ZNF282: variants seen among roughly 807,000 people sequenced by gnomAD.
The protein encoded by ZNF282 is HTLV-I U5 repressive element-binding protein 1.
Under a neutral mutation model 61.9 loss-of-function variants are expected in ZNF282, and 30 were observed. That is an observed-to-expected ratio of 0.48 (90% CI 0.36 to 0.66). The LOEUF (loss-of-function observed/expected upper bound fraction) is 0.66, where lower values mean the gene tolerates loss of function less well. ZNF282 is among the 30% of genes least tolerant of loss of function. The probability of loss-of-function intolerance (pLI) is 0.00; values close to 1 mark genes in which losing one functional copy is unlikely to be tolerated. For synonymous variants in ZNF282, 396 were observed against 405.0 expected (o/e 0.98, Z 0.27); for missense variants, 788 against 941.4 (o/e 0.84, Z 2.13).
At chr7:149,199,400 G>A (rs1415693833) in intron 2 of ZNF282, among the ~76,000 whole-genome samples, 1 of 151,924 alleles carries the variant, frequency 6.6e-6, no homozygotes, top group East Asian at 1.9e-4. Context: ...GATGTCCCCT[G>A]CCCACCCCAG....
rs1414890981 is a variant in ZNF282, at chr7:149,224,466, T to A, written c.1835T>A (p.Ile612Asn). ...TGTGCACTGTGCGGCAAGAGCTTCA[T>A]CCGCAAGCAGAACCTGCTCAAGCAC... ...FQCALCGKSFIRKQNLLKHQR... is the reference protein window; with the variant it reads ...FQCALCGKSFNRKQNLLKHQR... Residue 612 changes from isoleucine to asparagine, a missense_variant, in exon 8 of 8, where the codon ATC becomes AAC. Ile to Asn is a moderately radical substitution (Grantham distance 149, BLOSUM62 -3). Around this residue, in one of 3 missense-constraint regions of ZNF282, gnomAD observed 559 missense variants for 642.0 expected, o/e 0.87. Coordinates refer to ENST00000610704, the MANE Select transcript of ZNF282 (RefSeq NM_003575.4). 1 of 1,611,946 alleles carries A rather than the reference T, an allele frequency of 6.2e-7. No homozygotes were observed. The highest frequency in any genetic ancestry group is 1.1e-5 in the South Asian group (1 of 90,988).
Position 149,198,394 on chromosome 7 carries a change from A to G in ZNF282, c.227A>G (p.Asp76Gly). The change falls in exon 2 of 8, where the codon GAT becomes GGT. Residue 76 changes from aspartate to glycine, a missense_variant. Asp to Gly is a moderately conservative substitution (Grantham distance 94, BLOSUM62 -1). This residue lies in a region of ZNF282 where 137 missense variants were observed against 135.4 expected (regional missense o/e 1.01). Transcript: ENST00000610704. The surrounding 1 kb of genome is among the most constrained non-coding windows in gnomAD (Gnocchi z 4.3). ...CCTTTTCAGTTCCCACCCTTTCCAGATAGGGCACCTGTCTTCCCCGACCGC... is the reference window on the plus strand; with the variant it reads ...CCTTTTCAGTTCCCACCCTTTCCAGGTAGGGCACCTGTCTTCCCCGACCGC... ...PMPFQFPPFPDRAPVFPDRMM... is the reference protein window; with the variant it reads ...PMPFQFPPFPGRAPVFPDRMM... 6.2e-7 allele frequency: 1 copy of G among 1,614,098 alleles called. No homozygotes were observed. Among genetic ancestry groups the G allele is most frequent in the Non-Finnish European group, 8.5e-7 (1 of 1,180,010 alleles).
chr7:149,212,613 C>T, intron 6 of ZNF282, 142 bp downstream of exon 6: 2 of 669,396 alleles, frequency 3.0e-6, no homozygotes, highest in Non-Finnish European at 5.0e-6. Context: ...CGGAGTCTTG[C>T]TCTGTTGTTC....
At position 149,224,824 on chromosome 7, in the gene ZNF282, GC is replaced by G; in HGVS notation, c.*180del. 2 of 1,192,992 alleles carry G rather than the reference GC, an allele frequency of 1.7e-6. No individual in the cohort carries two copies. The highest frequency in any genetic ancestry group is 1.5e-5 in the African/African-American group (1 of 65,174). The allele number at this position is 1,192,992 out of a possible 1,614,324, so 73.9% of individuals were successfully genotyped here. A position where few individuals can be genotyped will look rare whatever the true frequency, so the allele number is the denominator to read the frequency against. On this transcript the variant is annotated 3_prime_UTR_variant, in exon 8 of 8. Transcript: ENST00000610704. ...CCAGATCTGTCTGGTCTGAATGGACGCCCAGCTCATCTAGGGTGGACCCAGC... is the reference window on the plus strand; with the variant it reads ...CCAGATCTGTCTGGTCTGAATGGACGCCAGCTCATCTAGGGTGGACCCAGC...
At chr7:149,204,259 G>A (rs1357609198) in intron 2 of ZNF282, among the ~76,000 whole-genome samples, 3 of 152,164 alleles carry the variant, frequency 2.0e-5, no homozygotes, top group African/African-American at 4.8e-5. Flanking sequence ...CTTTCGAAGA[G>A]GTCAGAATTG....
chr7:149,223,620 C>G (rs1035973002), intron 7 of ZNF282, among the ~76,000 whole-genome samples, 192 bp from the exon 8 acceptor site: 6 of 152,198 alleles, frequency 3.9e-5, no homozygotes, highest in Non-Finnish European at 8.8e-5. Context: ...TGACCCGTTT[C>G]TGGGCTCCAC....
At chr7:149,200,856 C>A (rs1020020049) in intron 2 of ZNF282, among the ~76,000 whole-genome samples, 1 of 152,196 alleles carries the variant, frequency 6.6e-6, no homozygotes, top group African/African-American at 2.4e-5. Context: ...CTGGGCCTCC[C>A]AAAGTGCTGA....
At chr7:149,204,146 G>C (rs549440284) in intron 2 of ZNF282, among the ~76,000 whole-genome samples, 7 of 152,242 alleles carry the variant, frequency 4.6e-5, no homozygotes, top group African/African-American at 1.7e-4. Flanking sequence ...ACGTGGTCTT[G>C]GGGGAGGAAG....
chr7:149,197,210 C>A (rs914829360), intron 1 of ZNF282, among the ~76,000 whole-genome samples: 2 of 152,176 alleles, frequency 1.3e-5, no homozygotes, highest in East Asian at 3.9e-4. Context: ...AAGGGGGAGT[C>A]CCCAGGCCAT....
At chr7:149,207,766 G>A (rs1335613391) in intron 4 of ZNF282, among the ~76,000 whole-genome samples, 1 of 152,234 alleles carries the variant, frequency 6.6e-6, no homozygotes, top group Non-Finnish European at 1.5e-5. Context: ...TTACGCTACC[G>A]CCCCAGGCCC....
Position 149,212,477 on chromosome 7 carries a change from A to AACAAG in ZNF282, c.1066+7_1066+11dup, listed in dbSNP as rs778047604. On this transcript the variant is annotated splice_region_variant and intron_variant, in intron 6 of 7. Transcript: ENST00000610704. The stretch of plus-strand genomic sequence containing the variant: ...TCCCACGGATCCCAATTCAGGTGAG[A>AACAAG]ACAAGGTCAGAATGAATCTTGAGGG... 6.2e-7 allele frequency: 1 copy of AACAAG among 1,600,962 alleles called. No individual in the cohort carries two copies. Among genetic ancestry groups the AACAAG allele is most frequent in the Admixed American group, 1.7e-5 (1 of 58,792 alleles).
chr7:149,196,144 C>G (rs992188372), intron 1 of ZNF282, among the ~76,000 whole-genome samples: 2 of 152,178 alleles, frequency 1.3e-5, no homozygotes, highest in African/African-American at 4.8e-5. Context: ...CGCCCGGCCG[C>G]AGAAGTGAAT....
chr7:149,205,981 C>T (rs1328501933), intron 2 of ZNF282, among the ~76,000 whole-genome samples: 2 of 152,112 alleles, frequency 1.3e-5, no homozygotes, highest in Non-Finnish European at 2.9e-5. Context: ...CAATTCGGTC[C>T]AAGTTGAGGT....
Position 149,212,390 on chromosome 7 carries a change from C to G in ZNF282, c.985C>G (p.Arg329Gly). Residue 329 changes from arginine (R) to glycine (G), a missense_variant, in exon 6 of 8, where the codon CGG (arginine) becomes GGG (glycine). This residue lies in a region of ZNF282 where 559 missense variants were observed against 642.0 expected (regional missense o/e 0.87). Transcript: ENST00000610704. Reference protein sequence around the residue: ...SPISAQDLLSRIKQEEHQCVW... With the variant: ...SPISAQDLLSGIKQEEHQCVW... ...AATTTCTGCCCAGGACCTCTTGTCC[C>G]GGATTAAACAGGAGGAGCATCAGTG... The G allele has an allele frequency of 6.2e-7, 1 of 1,611,812 alleles. No homozygotes were observed. Among genetic ancestry groups the G allele is most frequent in the Non-Finnish European group, 8.5e-7 (1 of 1,179,060 alleles).
In ZNF282 at chr7:149,213,831, C is replaced by A. The variant is rs1174605764; in HGVS notation, c.1180+17C>A. On this transcript the variant is annotated intron_variant, in intron 7 of 7. Transcript: ENST00000610704. Reference sequence around the variant, plus strand: ...CTGGCCCTAGTGAGTAACGTCCCCACCTAGACCCTGGGGTTTCTTCTCTGG... The same window carrying A: ...CTGGCCCTAGTGAGTAACGTCCCCAACTAGACCCTGGGGTTTCTTCTCTGG... The A allele has an allele frequency of 1.3e-6, 2 of 1,584,334 alleles. No homozygotes were observed. The highest frequency in any genetic ancestry group is 2.2e-5 in the East Asian group (1 of 44,696).
chr7:149,221,265 G>C (rs983746937), intron 7 of ZNF282, among the ~76,000 whole-genome samples: 2 of 152,222 alleles, frequency 1.3e-5, no homozygotes, highest in Non-Finnish European at 2.9e-5. Context: ...CAGGACTGGA[G>C]TTCTCCAGGC....
At chr7:149,214,337 A>G (rs913944161) in intron 7 of ZNF282, among the ~76,000 whole-genome samples, 4 of 152,014 alleles carry the variant, frequency 2.6e-5, no homozygotes, top group African/African-American at 9.7e-5. Context: ...TTAACTAACT[A>G]CATCTGCAAT....
At chr7:149,201,138 G>A (rs1795902165) in intron 2 of ZNF282, among the ~76,000 whole-genome samples, 1 of 152,198 alleles carries the variant, frequency 6.6e-6, no homozygotes. Flanking sequence ...ATGACGGATG[G>A]TTCCATCCTT....
intron 1 of ZNF282, among the ~76,000 whole-genome samples, chr7:149,196,049 T>C (rs956008508): frequency 6.6e-6 from 1 of 151,846 alleles, no homozygotes; most frequent in South Asian, 2.1e-4. Context: ...TTCCGGGACC[T>C]GGCAGAGCTC....
Sources: allele counts gnomAD v4.1 joint callset (sites outside exome capture counted in the v4.1 genomes callset), GRCh38; gene constraint gnomAD v4.1.1; regional missense constraint gnomAD v4.1.1; non-coding constraint Gnocchi (gnomAD v3.1); transcripts MANE v1.5; gene names NCBI Gene and HGNC (gene_info 2026-07-23, HGNC 2026-07-21).